The following KYNU variants were observed in gnomAD, a reference collection of about 807,000 sequenced individuals.
The protein encoded by KYNU is kynureninase, also known as L-kynurenine hydrolase.
Under a neutral mutation model 59.2 loss-of-function variants are expected in KYNU, and 54 were observed. The observed-to-expected ratio is 0.91, with a 90% CI of 0.73 to 1.14. KYNU has a LOEUF of 1.14. Among genes scored for constraint, KYNU ranks in the 50% most tolerant of loss-of-function variants. The pLI, the probability that KYNU is intolerant of heterozygous loss-of-function variation, is 0.00. For missense variants in KYNU, 567 were observed against 554.4 expected (o/e 1.02, Z -0.23); for synonymous variants, 177 against 192.0 (o/e 0.92, Z 0.65).
chr2:143,044,812 G>A lies in KYNU; in HGVS notation c.*2640G>A, dbSNP rs1049303790. On this transcript the variant is annotated 3_prime_UTR_variant, in exon 14 of 14. Transcript: ENST00000264170. ...CACTCTGATGATAGTTTCTTTTGCTGTGTAGAAGCTCTTTAGTTTAATCAG... is the reference window on the plus strand; with the variant it reads ...CACTCTGATGATAGTTTCTTTTGCTATGTAGAAGCTCTTTAGTTTAATCAG... 1 of 152,088 alleles carries A rather than the reference G, an allele frequency of 6.6e-6. No individual in the cohort carries two copies. The highest frequency in any genetic ancestry group is 1.5e-5 in the Non-Finnish European group (1 of 68,022). The allele number at this position is 152,088 out of a possible 1,614,324, so 9.4% of individuals were successfully genotyped here.
rs1456190529 is a variant in KYNU at position 142,972,807 on chromosome 2, TATATATAG to T, written c.729+12039_729+12046del. Among the ~76,000 whole-genome samples the T allele has an allele frequency of 4.8e-3, 665 of 138,324 alleles. 4 individuals are homozygous for T. Among genetic ancestry groups the T allele is most frequent in the African/African-American group, 0.017 (634 of 36,820 alleles). 90.7% of individuals were successfully genotyped at this position (138,324 alleles called of 152,430 possible). A position where few individuals can be genotyped will look rare whatever the true frequency, so the allele number is the denominator to read the frequency against. On this transcript the variant is annotated intron_variant, in intron 8 of 13. Transcript: ENST00000264170. ...GACAGAGGCCATATATATATATATA[TATATATAG>T]AGAGAGAGAGAGAGAGAGAGAGAGA...
chr2:142,991,459 C>G (rs565141633), intron 10 of KYNU, among the ~76,000 whole-genome samples: 4 of 151,898 alleles, frequency 2.6e-5, no homozygotes, highest in Non-Finnish European at 4.4e-5. Flanking sequence ...TATAGAATCC[C>G]CAGTTGAAAT....
At chr2:142,912,044 C>T (rs1032070790) in intron 2 of KYNU, among the ~76,000 whole-genome samples, 1 of 151,960 alleles carries the variant, frequency 6.6e-6, no homozygotes, top group African/African-American at 2.4e-5. Flanking sequence ...ATTTTGGTAT[C>T]GAGTGATACT....
At chr2:143,032,752 T>TG (rs370064744) in intron 11 of KYNU, among the ~76,000 whole-genome samples, 2 of 150,610 alleles carry the variant, frequency 1.3e-5, no homozygotes, top group Non-Finnish European at 3.0e-5. Context: ...TCTGTGTGTG[T>TG]TCTGTAAGAG....
intron 2 of KYNU, among the ~76,000 whole-genome samples, chr2:142,900,413 A>G (rs1573765607): frequency 6.6e-6 from 1 of 152,152 alleles, no homozygotes; most frequent in East Asian, 1.9e-4. Flanking sequence ...AAGGGAGGGG[A>G]CCCAAAGAGG....
intron 9 of KYNU, 46 bp downstream of exon 9, chr2:142,985,228 T>A: frequency 8.4e-7 from 1 of 1,189,806 alleles, no homozygotes; most frequent in Non-Finnish European, 1.3e-6. Flanking sequence ...TCACATTGAC[T>A]TTAATCTGAA....
rs540024477 is a variant in KYNU, at chr2:142,879,050, A to T, written c.-20+1314A>T. Among the ~76,000 whole-genome samples the T allele has an allele frequency of 2.0e-5, 3 of 152,358 alleles. No individual in the cohort carries two copies. In the East Asian group the frequency reaches 5.8e-4, roughly 29 times the overall value. On this transcript the variant is annotated intron_variant, in intron 1 of 13. Coordinates refer to ENST00000264170, the MANE Select transcript of KYNU (RefSeq NM_003937.3). ...AAATATGTAAAAGTTGAAGTTTTTA[A>T]AAGTTTGGATTTAAGTTCTTCCTTT...
intron 8 of KYNU, among the ~76,000 whole-genome samples, chr2:142,961,884 T>C (rs1676589935): frequency 6.6e-6 from 1 of 152,206 alleles, no homozygotes; most frequent in Non-Finnish European, 1.5e-5. Flanking sequence ...TAATAAGTTA[T>C]GGGATTAATA....
In KYNU at chr2:143,046,864, T is replaced by A. The variant is rs1470145234; in HGVS notation, c.*4692T>A. The A allele has an allele frequency of 1.3e-5, 2 of 152,190 alleles. No homozygotes were observed. Among genetic ancestry groups the A allele is most frequent in the Non-Finnish European group, 2.9e-5 (2 of 68,036 alleles). The allele number at this position is 152,190 out of a possible 1,614,324, so 9.4% of individuals were successfully genotyped here. On this transcript the variant is annotated 3_prime_UTR_variant, in exon 14 of 14. Transcript: ENST00000264170. The stretch of plus-strand genomic sequence containing the variant: ...ACCCCTGTTGGGATTTCAATTGAAC[T>A]GCAATTAAATTTTAGATCAGTTTTG...
intron 8 of KYNU, among the ~76,000 whole-genome samples, chr2:142,981,386 G>C (rs1208928924): frequency 2.6e-5 from 4 of 152,122 alleles, no homozygotes; most frequent in South Asian, 4.1e-4. Flanking sequence ...GAAGAAAAGA[G>C]AGTTTCAAAT....
At chr2:142,991,293 T>C (rs918286270) in intron 10 of KYNU, among the ~76,000 whole-genome samples, 2 of 151,930 alleles carry the variant, frequency 1.3e-5, no homozygotes, top group African/African-American at 4.8e-5. Context: ...AATTACTACT[T>C]ATCAAGTCCC....
Position 143,040,542 on chromosome 2 carries a change from C to G in KYNU, c.1156C>G (p.Pro386Ala), listed in dbSNP as rs1687014641. Residue 386 changes from proline to alanine, a missense_variant, in exon 13 of 14, where the codon CCA becomes GCA. Pro to Ala is a conservative substitution (Grantham distance 27, BLOSUM62 -1). Coordinates refer to ENST00000264170, the MANE Select transcript of KYNU (RefSeq NM_003937.3). ...CAAAGATAAAGCAGCAACCAAGAAA[C>G]CAGTTGTGAACATAATTACTCCGTC... is the stretch of plus-strand genomic sequence containing the variant. Reference protein sequence around the residue: ...YGKDKAATKKPVVNIITPSHV... With the variant: ...YGKDKAATKKAVVNIITPSHV... The G allele has an allele frequency of 6.2e-7, 1 of 1,612,986 alleles. No homozygotes were observed. The highest frequency in any genetic ancestry group is 1.1e-5 in the South Asian group (1 of 91,064).
At chr2:143,017,965 A>T (rs139962956) in intron 10 of KYNU, among the ~76,000 whole-genome samples, 4 of 151,390 alleles carry the variant, frequency 2.6e-5, no homozygotes, top group East Asian at 3.9e-4. Context: ...GCATCTGTTC[A>T]TGTATTTTGC....
Position 142,918,809 on chromosome 2 carries a change from A to G in KYNU, c.290+80A>G, listed in dbSNP as rs151187439. The G allele has an allele frequency of 9.8e-3, 14,237 of 1,456,496 alleles. 109 individuals carry two copies. Among genetic ancestry groups the G allele is most frequent in the Middle Eastern group, 0.019 (106 of 5,696 alleles). 90.2% of individuals were successfully genotyped at this position (1,456,496 alleles called of 1,614,324 possible). On this transcript the variant is annotated intron_variant, in intron 3 of 13. Coordinates refer to ENST00000264170, the MANE Select transcript of KYNU (RefSeq NM_003937.3). ...TCACATTAGGTTGTCTAATATTTGG[A>G]AAGATGTGTAATAGAATCCTAGTAC...
intron 9 of KYNU, 60 bp downstream of exon 9, chr2:142,985,242 G>A (rs1297392273): frequency 1.9e-6 from 2 of 1,046,204 alleles, no homozygotes; most frequent in African/African-American, 1.6e-5. Context: ...ATCTGAAGGA[G>A]AAACTGGGTC....
At chr2:142,991,682 T>C (rs1685402838) in intron 10 of KYNU, among the ~76,000 whole-genome samples, 1 of 151,974 alleles carries the variant, frequency 6.6e-6, no homozygotes, top group Non-Finnish European at 1.5e-5. Context: ...AACTCTTCTG[T>C]ATTTTAAAAT....
Position 142,956,208 on chromosome 2 carries a change from A to AT in KYNU, c.447dup (p.Lys150Ter). 3 of 1,581,832 alleles carry AT rather than the reference A, an allele frequency of 1.9e-6. No homozygotes were observed. Among genetic ancestry groups the AT allele is most frequent in the Non-Finnish European group, 2.6e-6 (3 of 1,151,642 alleles). ...ATAAATCCATTTTATTGCAGTTATC[A>AT]TTTTTTAAGCCTACGCCAAAACGAT... On this transcript the variant is annotated frameshift_variant, in exon 6 of 14. Transcript: ENST00000264170. LOFTEE classifies it high-confidence loss of function.
At chr2:142,957,015 A>G (rs1382818479) in intron 6 of KYNU, among the ~76,000 whole-genome samples, 1 of 152,114 alleles carries the variant, frequency 6.6e-6, no homozygotes, top group Admixed American at 6.5e-5. Flanking sequence ...AATTAATTTT[A>G]AAAGTACATT....
chr2:142,991,616 C>T (rs1195870233), intron 10 of KYNU, among the ~76,000 whole-genome samples: 1 of 151,892 alleles, frequency 6.6e-6, no homozygotes. Flanking sequence ...TTGCCTCCCA[C>T]ATCTCTAAAC....
Sources: allele counts gnomAD v4.1 joint callset (sites outside exome capture counted in the v4.1 genomes callset), GRCh38; gene constraint gnomAD v4.1.1; transcripts MANE v1.5; gene names NCBI Gene and HGNC (gene_info 2026-07-23, HGNC 2026-07-21).